Variants in TMEM178B observed in about 807,000 individuals in gnomAD.
The protein encoded by TMEM178B is transmembrane protein 178B.
In TMEM178B, 5 loss-of-function variants were observed where a neutral mutation model predicts 31.0. The ratio of observed to expected loss-of-function variants is 0.16; its 90% CI spans 0.08 to 0.34. The LOEUF is 0.34. TMEM178B is among the 10% of genes least tolerant of loss of function. The pLI is 1.00. For synonymous variants in TMEM178B, 164 were observed against 164.0 expected (o/e 1.00, Z 0.00); for missense variants, 275 against 400.3 (o/e 0.69, Z 2.67).
intron 2 of TMEM178B, among the ~76,000 whole-genome samples, chr7:141,267,049 C>G (rs1167954850): frequency 6.6e-6 from 1 of 152,194 alleles, no homozygotes; most frequent in Non-Finnish European, 1.5e-5. Context: ...GTGTCACCTG[C>G]CCTTTCCTGC....
intron 3 of TMEM178B, among the ~76,000 whole-genome samples, chr7:141,447,482 G>A (rs1801781303): frequency 6.6e-6 from 1 of 152,214 alleles, no homozygotes; most frequent in Middle Eastern, 3.4e-3. Flanking sequence ...TCCGCCAAGA[G>A]CAGATCATTA....
At chr7:141,369,021 A>G (rs1655934979) in intron 2 of TMEM178B, among the ~76,000 whole-genome samples, 1 of 152,164 alleles carries the variant, frequency 6.6e-6, no homozygotes. Context: ...AGAACAAAGT[A>G]TGGGGCTCTT....
chr7:141,207,415 G>GC (rs1261046721), intron 1 of TMEM178B, among the ~76,000 whole-genome samples: 6 of 152,180 alleles, frequency 3.9e-5, no homozygotes, highest in Non-Finnish European at 8.8e-5. Context: ...TAGCATGCAA[G>GC]AGTTTCGCTT....
At chr7:141,440,331 G>A (rs996441031) in intron 3 of TMEM178B, among the ~76,000 whole-genome samples, 1 of 152,058 alleles carries the variant, frequency 6.6e-6, no homozygotes, top group Non-Finnish European at 1.5e-5. Flanking sequence ...TTAATCACCC[G>A]GAGAGCTTTT....
chr7:141,116,700 T>C (rs1362182423), intron 1 of TMEM178B, among the ~76,000 whole-genome samples: 1 of 152,102 alleles, frequency 6.6e-6, no homozygotes, highest in Non-Finnish European at 1.5e-5. Context: ...CAGTGTGTGA[T>C]GCTCCCCTCC....
chr7:141,457,071 A>G (rs947977350), intron 3 of TMEM178B, among the ~76,000 whole-genome samples: 8 of 152,148 alleles, frequency 5.3e-5, no homozygotes, highest in Non-Finnish European at 1.2e-4. Flanking sequence ...GATCTTCACA[A>G]CTTTTCATTT....
chr7:141,161,312 C>A (rs1796168323), intron 1 of TMEM178B, among the ~76,000 whole-genome samples: 1 of 151,988 alleles, frequency 6.6e-6, no homozygotes, highest in African/African-American at 2.4e-5. Context: ...TCTGAGGGAG[C>A]CACAGAGGGA....
At chr7:141,497,714 C>T in the TMEM178B span, among the ~76,000 whole-genome samples, 6 of 152,224 alleles carry the variant, frequency 3.9e-5, no homozygotes, top group African/African-American at 1.4e-4. Context: ...ACTGGCTTCC[C>T]TGTCTCTAAA....
At chr7:141,451,348 T>C (rs149386710) in intron 3 of TMEM178B, among the ~76,000 whole-genome samples, 23 of 152,328 alleles carry the variant, frequency 1.5e-4, no homozygotes, top group African/African-American at 5.3e-4. Context: ...TAGTGAGCAC[T>C]TAGTACATTT....
At chr7:141,152,773 C>T (rs1265359400) in intron 1 of TMEM178B, among the ~76,000 whole-genome samples, 3 of 152,318 alleles carry the variant, frequency 2.0e-5, no homozygotes, top group Non-Finnish European at 4.4e-5. Context: ...ATTAGACCCC[C>T]GTGGAGGCCA....
At chr7:141,090,912 G>A (rs1052237508) in intron 1 of TMEM178B, among the ~76,000 whole-genome samples, 3 of 152,152 alleles carry the variant, frequency 2.0e-5, no homozygotes, top group African/African-American at 7.2e-5. Flanking sequence ...CACAGTCAGG[G>A]TTTTAAGGAC....
chr7:141,193,328 G>C (rs1796727554), intron 1 of TMEM178B, among the ~76,000 whole-genome samples: 1 of 152,218 alleles, frequency 6.6e-6, no homozygotes, highest in Admixed American at 6.5e-5. Context: ...ATCTCTCTCT[G>C]CTCCTGTGTG....
At chr7:141,506,100 T>G in the TMEM178B span, among the ~76,000 whole-genome samples, 1 of 152,260 alleles carries the variant, frequency 6.6e-6, no homozygotes, top group Non-Finnish European at 1.5e-5. Context: ...CAGGTACACG[T>G]GCAAGTGCAC....
intron 1 of TMEM178B, among the ~76,000 whole-genome samples, chr7:141,099,149 T>C (rs947713659): frequency 1.1e-4 from 16 of 152,216 alleles, no homozygotes; most frequent in Admixed American, 1.0e-3. Context: ...TTTTCCTCCT[T>C]GATATGAATT....
At chr7:141,110,378 G>C (rs946557144) in intron 1 of TMEM178B, among the ~76,000 whole-genome samples, 14 of 152,090 alleles carry the variant, frequency 9.2e-5, no homozygotes, top group Non-Finnish European at 1.9e-4. Flanking sequence ...TCAGAACTTG[G>C]GAAGAACACA....
chr7:141,145,030 A>G (rs1232448391), intron 1 of TMEM178B, among the ~76,000 whole-genome samples: 2 of 152,150 alleles, frequency 1.3e-5, no homozygotes, highest in Non-Finnish European at 2.9e-5. Context: ...TGGCATAATT[A>G]CTTTTCTGAG....
chr7:141,092,177 A>G (rs1586763360), intron 1 of TMEM178B, among the ~76,000 whole-genome samples: 1 of 152,160 alleles, frequency 6.6e-6, no homozygotes, highest in East Asian at 1.9e-4. Context: ...ATATTTCTTG[A>G]TTATAGTAAT....
intron 2 of TMEM178B, among the ~76,000 whole-genome samples, chr7:141,333,430 G>A (rs1423645309): frequency 6.6e-6 from 1 of 152,186 alleles, no homozygotes; most frequent in Non-Finnish European, 1.5e-5. Context: ...AGCAAGTGTG[G>A]GAATTGTTGT....
At chr7:141,105,263 C>T (rs1795124539) in intron 1 of TMEM178B, among the ~76,000 whole-genome samples, 1 of 152,142 alleles carries the variant, frequency 6.6e-6, no homozygotes, top group African/African-American at 2.4e-5. Flanking sequence ...AATCCCAGCA[C>T]TTTGGAGGCC....
Sources: allele counts gnomAD v4.1 joint callset (sites outside exome capture counted in the v4.1 genomes callset), GRCh38; gene constraint gnomAD v4.1.1; transcripts MANE v1.5; gene names NCBI Gene and HGNC (gene_info 2026-07-23, HGNC 2026-07-21).